Variants in STK35 observed in about 807,000 individuals in gnomAD.
STK35 encodes the protein serine/threonine kinase 35, also known as serine/threonine-protein kinase 35.
In STK35, 17 loss-of-function variants were observed where a neutral mutation model predicts 37.3. The observed-to-expected ratio is 0.46, with a 90% confidence interval of 0.31 to 0.68. The LOEUF (loss-of-function observed/expected upper bound fraction) is 0.68, where lower values mean the gene tolerates loss of function less well. Ranked by LOEUF, STK35 falls within the 30% of genes least tolerant of loss-of-function variation. The probability of loss-of-function intolerance (pLI) is 0.05; values close to 1 mark genes in which losing one functional copy is unlikely to be tolerated. For synonymous variants in STK35, 385 were observed against 319.1 expected (o/e 1.21, Z -2.20); for missense variants, 595 against 746.7 (o/e 0.80, Z 2.37).
chr20:2,105,420 A>G (rs1985495865), intron 2 of STK35, among the ~76,000 whole-genome samples: 1 of 152,152 alleles, frequency 6.6e-6, no homozygotes, highest in Non-Finnish European at 1.5e-5. Flanking sequence ...TTACTCTCTC[A>G]ACATATAAAT....
In STK35 at chr20:2,102,032, G is replaced by C; in HGVS notation, c.151G>C (p.Glu51Gln). ...TTCCCCAGCGAGCGCCGCGGCAGCA[G>C]AAGGATCCGCTACACGCCGGGCTCG... ...QASPASAAAA[E>Q]GSATRRARAA... The change falls in exon 1 of 4, where the codon GAA becomes CAA. Residue 51 changes from glutamate (E) to glutamine (Q), a missense_variant. By Grantham distance (29) the Glu-to-Gln change is conservative. Around this residue, in one of 3 missense-constraint regions of STK35, gnomAD observed 389 missense variants for 320.0 expected, o/e 1.22. Coordinates refer to ENST00000381482, the MANE Select transcript of STK35 (RefSeq NM_080836.4). The C allele has an allele frequency of 6.5e-7, 1 of 1,527,762 alleles. No homozygotes were observed. Among genetic ancestry groups the C allele is most frequent in the Non-Finnish European group, 8.7e-7 (1 of 1,143,162 alleles). 94.6% of individuals were successfully genotyped at this position (1,527,762 alleles called of 1,614,324 possible).
In STK35 at chr20:2,103,010, G is replaced by A. The variant is rs772368980; in HGVS notation, c.537G>A (p.Glu179=). Residue 179 remains glutamate, a synonymous_variant, in exon 2 of 4, where the codon GAG becomes GAA. Transcript: ENST00000381482. The part of the protein sequence containing the change: ...AARAMDPVAA[E]APGEAFLARR... ...GGGCCATGGATCCGGTGGCGGCCGAGGCCCCGGGCGAGGCCTTCCTGGCGC... is the reference window on the plus strand; with the variant it reads ...GGGCCATGGATCCGGTGGCGGCCGAAGCCCCGGGCGAGGCCTTCCTGGCGC... The A allele has an allele frequency of 7.0e-7, 1 of 1,424,234 alleles. No homozygotes were observed. Among genetic ancestry groups the A allele is most frequent in the Non-Finnish European group, 9.1e-7 (1 of 1,100,186 alleles). 88.2% of individuals were successfully genotyped at this position (1,424,234 alleles called of 1,614,324 possible). A position where few individuals can be genotyped will look rare whatever the true frequency, so the allele number is the denominator to read the frequency against.
intron 3 of STK35, among the ~76,000 whole-genome samples, chr20:2,122,552 T>C (rs1985837289): frequency 6.6e-6 from 1 of 152,192 alleles, no homozygotes; most frequent in Non-Finnish European, 1.5e-5. Context: ...AATGCAGGGA[T>C]GGAGTCTCAT....
At chr20:2,135,189 C>G (rs1035091806) in intron 3 of STK35, among the ~76,000 whole-genome samples, 1 of 152,232 alleles carries the variant, frequency 6.6e-6, no homozygotes, top group Non-Finnish European at 1.5e-5. Flanking sequence ...GGAGCACATT[C>G]CTATGATTGC....
Position 2,103,001 on chromosome 20 carries a change from G to T in STK35, c.528G>T (p.Val176=). ...CGGCGGCCCGGGCCATGGATCCGGT[G>T]GCGGCCGAGGCCCCGGGCGAGGCCT... ...PAAAARAMDP[V]AAEAPGEAFL... The change falls in exon 2 of 4, where the codon GTG becomes GTT. Residue 176 remains valine (V), a synonymous_variant. Transcript: ENST00000381482. The T allele has an allele frequency of 1.4e-6, 2 of 1,420,332 alleles. No homozygotes were observed. The allele number at this position is 1,420,332 out of a possible 1,614,324, so 88.0% of individuals were successfully genotyped here.
intron 3 of STK35, among the ~76,000 whole-genome samples, chr20:2,124,932 C>A (rs1448101017): frequency 1.3e-5 from 2 of 152,176 alleles, no homozygotes; most frequent in Non-Finnish European, 2.9e-5. Context: ...TCTGCCGCAT[C>A]AACAGCAGGA....
At chr20:2,137,933 C>T (rs1019874102) in intron 3 of STK35, among the ~76,000 whole-genome samples, 1 of 152,202 alleles carries the variant, frequency 6.6e-6, no homozygotes. Flanking sequence ...ATGACTTTGC[C>T]TCTGTGCACT....
At chr20:2,108,560 A>G (rs1985560164) in intron 2 of STK35, among the ~76,000 whole-genome samples, 1 of 152,092 alleles carries the variant, frequency 6.6e-6, no homozygotes, top group Non-Finnish European at 1.5e-5. Context: ...TTGTATATTG[A>G]TCAGTGCTTG....
rs758187372 is a variant in STK35 at position 2,117,394 on chromosome 20, A to G, written c.*16A>G. On this transcript the variant is annotated 3_prime_UTR_variant, in exon 3 of 4. Transcript: ENST00000381482. This position sits in a 1 kb window ranked among gnomAD's most constrained non-coding sequence, Gnocchi z 4.4. ...TGCTGCTTAAAATTCAGGGCTAAGC[A>G]TTTTGGGTGATTTTAAACTAGGTGA... is the stretch of plus-strand genomic sequence containing the variant. 11 of 1,567,042 alleles carry G rather than the reference A, an allele frequency of 7.0e-6. No individual in the cohort carries two copies. In the African/African-American group the frequency reaches 1.2e-4, roughly 18 times the overall value.
chr20:2,113,115 CTT>C (rs971604118), intron 2 of STK35, among the ~76,000 whole-genome samples: 2 of 152,110 alleles, frequency 1.3e-5, no homozygotes, highest in African/African-American at 4.8e-5. Context: ...GAATTAGTGT[CTT>C]TTTGGAACTT....
At chr20:2,126,774 C>T (rs1202776814) in intron 3 of STK35, among the ~76,000 whole-genome samples, 1 of 152,232 alleles carries the variant, frequency 6.6e-6, no homozygotes, top group Admixed American at 6.5e-5. Context: ...CCATAAAACA[C>T]TGCAATGAAT....
intron 2 of STK35, among the ~76,000 whole-genome samples, chr20:2,111,808 C>T (rs1382223948): frequency 6.6e-6 from 1 of 152,202 alleles, no homozygotes; most frequent in Non-Finnish European, 1.5e-5. Context: ...TCTACAGAAA[C>T]TCTTCTGTGA....
Position 2,144,073 on chromosome 20 carries a change from GGC to G in STK35, c.*328_*329del, listed in dbSNP as rs1376854436. The G allele has an allele frequency of 5.8e-6, 2 of 341,908 alleles. No homozygotes were observed. The highest frequency in any genetic ancestry group is 8.8e-5 in the Admixed American group (2 of 22,698). The allele number at this position is 341,908 out of a possible 1,614,324, so 21.2% of individuals were successfully genotyped here. ...CTTTAAAGAAATTCAATGTGGGCAAGGCATATGTGTAAATTTCACTTTTACTT... is the reference window on the plus strand; with the variant it reads ...CTTTAAAGAAATTCAATGTGGGCAAGATATGTGTAAATTTCACTTTTACTT... On this transcript the variant is annotated 3_prime_UTR_variant, in exon 4 of 4. Coordinates refer to ENST00000381482, the MANE Select transcript of STK35 (RefSeq NM_080836.4).
chr20:2,133,335 T>C (rs1986031029), intron 3 of STK35, among the ~76,000 whole-genome samples: 1 of 152,216 alleles, frequency 6.6e-6, no homozygotes, highest in African/African-American at 2.4e-5. Context: ...TCTTTGCTAA[T>C]CACAGCAGCC....
chr20:2,139,282 G>A (rs1986135377), intron 3 of STK35, among the ~76,000 whole-genome samples: 1 of 152,138 alleles, frequency 6.6e-6, no homozygotes, highest in Non-Finnish European at 1.5e-5. Context: ...TTCTTAAACA[G>A]ACCAGACACC....
At chr20:2,140,360 A>C (rs185156425) in intron 3 of STK35, among the ~76,000 whole-genome samples, 71 of 152,262 alleles carry the variant, frequency 4.7e-4, no homozygotes, top group African/African-American at 1.6e-3. Flanking sequence ...GAAGCACCAC[A>C]AGCCTAAGGC....
At chr20:2,134,277 A>T (rs942091220) in intron 3 of STK35, among the ~76,000 whole-genome samples, 1 of 150,482 alleles carries the variant, frequency 6.6e-6, no homozygotes, top group African/African-American at 2.4e-5. Context: ...AAAAAAAAAA[A>T]GATGGGGCGG....
chr20:2,102,132 CA>C lies in STK35; in HGVS notation c.252del (p.Lys87AsnfsTer78). 7.1e-7 allele frequency: 1 copy of C among 1,406,888 alleles called. No individual in the cohort carries two copies. Among genetic ancestry groups the C allele is most frequent in the Non-Finnish European group, 9.3e-7 (1 of 1,080,062 alleles). 87.2% of individuals were successfully genotyped at this position (1,406,888 alleles called of 1,614,324 possible). ...PGADHPQAGA[P>X]GGKRAARKWR... is the part of the protein sequence containing the mutation. ...GCGGACCATCCCCAGGCAGGGGCTC[CA>C]GGGGGGAAACGGGCCGCCCGGAAGT... On this transcript the variant is annotated frameshift_variant, in exon 1 of 4. Coordinates refer to ENST00000381482, the MANE Select transcript of STK35 (RefSeq NM_080836.4). LOFTEE classifies it high-confidence loss of function.
rs1328667142 is a variant in STK35, at chr20:2,117,490, C to T, written c.*37+75C>T. On this transcript the variant is annotated intron_variant, in intron 3 of 3. Coordinates refer to ENST00000381482, the MANE Select transcript of STK35 (RefSeq NM_080836.4). This position sits in a 1 kb window ranked among gnomAD's most constrained non-coding sequence, Gnocchi z 4.4. ...TCACTCTGTTGGTCAGGCTGGGGTG[C>T]AGCGGGTGCAGTGGCAGGATCTCAG... The T allele has an allele frequency of 2.5e-6, 2 of 802,678 alleles. No individual in the cohort carries two copies. The highest frequency in any genetic ancestry group is 3.8e-6 in the Non-Finnish European group (2 of 523,752). The allele number at this position is 802,678 out of a possible 1,614,324, so 49.7% of individuals were successfully genotyped here.
Sources: allele counts gnomAD v4.1 joint callset (sites outside exome capture counted in the v4.1 genomes callset), GRCh38; gene constraint gnomAD v4.1.1; regional missense constraint gnomAD v4.1.1; non-coding constraint Gnocchi (gnomAD v3.1); transcripts MANE v1.5; gene names NCBI Gene and HGNC (gene_info 2026-07-23, HGNC 2026-07-21).